LTBP2: variants seen among roughly 807,000 people sequenced by gnomAD.
The protein encoded by LTBP2 is latent transforming growth factor beta binding protein 2.
LTBP2 carries 103 observed loss-of-function variants against 210.6 expected under a neutral mutation model. The ratio of observed to expected loss-of-function variants is 0.49; its 90% CI spans 0.42 to 0.58. The LOEUF (loss-of-function observed/expected upper bound fraction) is 0.58. Among genes scored for constraint, LTBP2 ranks in the 20% least tolerant of loss-of-function variants. The pLI, the probability that LTBP2 is intolerant of heterozygous loss-of-function variation, is 0.00. For missense variants in LTBP2, 2,313 were observed against 2,494.5 expected (o/e 0.93, Z 1.55); for synonymous variants, 1,007 against 1,015.0 (o/e 0.99, Z 0.15).
At position 74,532,510 on chromosome 14, in the gene LTBP2, C is replaced by T. The variant is rs1424526900; in HGVS notation, c.1903G>A (p.Ala635Thr). 40 of 1,614,170 alleles carry T rather than the reference C, an allele frequency of 2.5e-5. No homozygotes were observed. The highest frequency in any genetic ancestry group is 4.5e-5 in the East Asian group (2 of 44,880). The change falls in exon 10 of 36, where the codon GCG becomes ACG. Residue 635 changes from alanine to threonine, a missense_variant. Coordinates refer to ENST00000261978, the MANE Select transcript of LTBP2 (RefSeq NM_000428.3). ...CTGCCCCTGGTATTCACACACTCCG[C>T]GTCCTTGCACAGGCCCAGGGTCAAG... ...ECLTLGLCKD[A>T]ECVNTRGSYL...
chr14:74,516,797 C>T (rs1419653690), intron 18 of LTBP2, 25 bp downstream of exon 18: 76 of 1,549,790 alleles, frequency 4.9e-5, no homozygotes, highest in Non-Finnish European at 6.2e-5. Context: ...GGTGGCAGGG[C>T]GCTTCCCTCC....
Position 74,521,930 on chromosome 14 carries a change from C to A in LTBP2, c.2769G>T (p.Gly923=). ...CYPGYTLATS[G]ATQECQDINE... ...GCTTACCTTGACACTCCTGTGTCGC[C>A]CCTGAGGTGGCCAGAGTGTAGCCAG... Residue 923 remains glycine (G), a synonymous_variant, in exon 17 of 36, where the codon GGG becomes GGT. Transcript: ENST00000261978. 6.2e-7 allele frequency: 1 copy of A among 1,614,190 alleles called. No individual in the cohort carries two copies. Among genetic ancestry groups the A allele is most frequent in the Non-Finnish European group, 8.5e-7 (1 of 1,180,034 alleles).
chr14:74,529,603 G>C (rs2087325025), intron 10 of LTBP2, among the ~76,000 whole-genome samples: 1 of 152,140 alleles, frequency 6.6e-6, no homozygotes, highest in South Asian at 2.1e-4. Context: ...CTCCCATAGT[G>C]CCTGGTGCAT....
intron 18 of LTBP2, among the ~76,000 whole-genome samples, chr14:74,515,281 G>A (rs2087121176): frequency 7.4e-6 from 1 of 135,234 alleles, no homozygotes; most frequent in African/African-American, 2.9e-5. Flanking sequence ...TTTTGAGACA[G>A]AGTCTCACTC....
Position 74,502,648 on chromosome 14 carries a change from C to T in LTBP2, c.5170+5G>A. Reference sequence around the variant, plus strand: ...CCTCTTCCCCAGTTTTGCAGCAACACAGACCTGGATGGCTGGCCACGTAGT... The same window carrying T: ...CCTCTTCCCCAGTTTTGCAGCAACATAGACCTGGATGGCTGGCCACGTAGT... On this transcript the variant is annotated splice_donor_5th_base_variant and intron_variant, in intron 34 of 35. Transcript: ENST00000261978. 1 of 1,614,196 alleles carries T rather than the reference C, an allele frequency of 6.2e-7. No individual in the cohort carries two copies. Among genetic ancestry groups the T allele is most frequent in the Non-Finnish European group, 8.5e-7 (1 of 1,180,038 alleles).
intron 3 of LTBP2, among the ~76,000 whole-genome samples, chr14:74,572,691 T>C (rs2088000215): frequency 6.6e-6 from 1 of 151,972 alleles, no homozygotes; most frequent in Admixed American, 6.6e-5. Context: ...TGAAAAAATC[T>C]CCATTATGAC....
rs769841401 is a variant in LTBP2 at position 74,506,775 on chromosome 14, C to G, written c.3956G>C (p.Cys1319Ser). The change falls in exon 27 of 36, where the codon TGT becomes TCT. Residue 1319 changes from cysteine (C) to serine (S), a missense_variant. Physicochemically the swap from Cys to Ser is moderately radical, Grantham distance 112. Coordinates refer to ENST00000261978, the MANE Select transcript of LTBP2 (RefSeq NM_000428.3). The stretch of plus-strand genomic sequence containing the variant: ...GCGGAAGGAGCCATCAGTGTTGTCA[C>G]AGAAGCCGTGGCTGCCACACATGGT... The part of the protein sequence containing the change: ...NDTMCGSHGF[C>S]DNTDGSFRCL... 6.2e-7 allele frequency: 1 copy of G among 1,614,100 alleles called. No homozygotes were observed.
chr14:74,526,625 C>A (rs1432764309), intron 13 of LTBP2, among the ~76,000 whole-genome samples: 1 of 152,164 alleles, frequency 6.6e-6, no homozygotes, highest in African/African-American at 2.4e-5. Flanking sequence ...AGGCTGGCTG[C>A]GTCTGTGGGG....
Position 74,505,153 on chromosome 14 carries a change from G to A in LTBP2, c.4199C>T (p.Pro1400Leu), listed in dbSNP as rs2086966310. 1 of 1,613,272 alleles carries A rather than the reference G, an allele frequency of 6.2e-7. No individual in the cohort carries two copies. Among genetic ancestry groups the A allele is most frequent in the African/African-American group, 1.3e-5 (1 of 74,944 alleles). Residue 1400 changes from proline (P) to leucine (L), a missense_variant, in exon 29 of 36, where the codon CCA becomes CTA. Around this residue, in one of 3 missense-constraint regions of LTBP2, gnomAD observed 1,867 missense variants for 1,976.9 expected, o/e 0.94. Coordinates refer to ENST00000261978, the MANE Select transcript of LTBP2 (RefSeq NM_000428.3). ...GAGGQSMSEA[P>L]TGDHAPAPTR... ...GGGGGCCGGGGCATGGTCCCCCGTT[G>A]GGGCCTCAGACATACTCTGACCTGT... is the stretch of plus-strand genomic sequence containing the variant.
intron 8 of LTBP2, among the ~76,000 whole-genome samples, chr14:74,543,222 C>CA (rs1216636649): frequency 1.3e-5 from 2 of 151,642 alleles, no homozygotes; most frequent in Non-Finnish European, 2.9e-5. Flanking sequence ...CCTAAAAATA[C>CA]AAAAAATTAG....
At position 74,510,082 on chromosome 14, in the gene LTBP2, T is replaced by A. The variant is rs2087050619; in HGVS notation, c.3151+9A>T. On this transcript the variant is annotated intron_variant, in intron 20 of 35. Transcript: ENST00000261978. ...CCTGCGGAGAAGGGGCGCTTCAGCATCTCTGTACCTTGGCAGCCCTTCTCA... is the reference window on the plus strand; with the variant it reads ...CCTGCGGAGAAGGGGCGCTTCAGCAACTCTGTACCTTGGCAGCCCTTCTCA... 1.2e-6 allele frequency: 2 copies of A among 1,613,918 alleles called. No homozygotes were observed. Among genetic ancestry groups the A allele is most frequent in the Non-Finnish European group, 1.7e-6 (2 of 1,180,010 alleles).
At chr14:74,566,752 G>C (rs977926182) in intron 3 of LTBP2, among the ~76,000 whole-genome samples, 1 of 152,086 alleles carries the variant, frequency 6.6e-6, no homozygotes, top group African/African-American at 2.4e-5. Flanking sequence ...CCTCTCCCCC[G>C]TGTCCCCAAG....
rs561983123 is a variant in LTBP2, at chr14:74,603,775, C to T, written c.495-70G>A. On this transcript the variant is annotated intron_variant, in intron 1 of 35. Transcript: ENST00000261978. ...TGGGGACTATTCACAGCCCCTCCGACAGTCCCACCTTCTAGAGGCAGGGCC... is the reference window on the plus strand; with the variant it reads ...TGGGGACTATTCACAGCCCCTCCGATAGTCCCACCTTCTAGAGGCAGGGCC... 49 of 1,299,538 alleles carry T rather than the reference C, an allele frequency of 3.8e-5. 2 individuals carry two copies. In the South Asian group the frequency reaches 5.0e-4, roughly 13 times the overall value. 80.5% of individuals were successfully genotyped at this position (1,299,538 alleles called of 1,614,324 possible). A position where few individuals can be genotyped will look rare whatever the true frequency, so the allele number is the denominator to read the frequency against.
intron 3 of LTBP2, among the ~76,000 whole-genome samples, chr14:74,571,869 T>C (rs1212055912): frequency 6.6e-6 from 1 of 152,200 alleles, no homozygotes; most frequent in Non-Finnish European, 1.5e-5. Context: ...CTGTAATCTT[T>C]GTTTTGCAAG....
At chr14:74,515,126 G>C (rs1005222065) in intron 18 of LTBP2, among the ~76,000 whole-genome samples, 3 of 152,226 alleles carry the variant, frequency 2.0e-5, no homozygotes, top group Admixed American at 2.0e-4. Context: ...TAGCTTATCC[G>C]GTGCTCACAA....
At chr14:74,577,504 CTTTTTTTT>C (rs397948520) in intron 3 of LTBP2, among the ~76,000 whole-genome samples, 3 of 135,966 alleles carry the variant, frequency 2.2e-5, no homozygotes, top group Non-Finnish European at 4.8e-5. Flanking sequence ...ACCATTATCT[CTTTTTTTT>C]TTTTTTTTTT....
rs2088481242 is a variant in LTBP2, at chr14:74,603,693, G to A, written c.507C>T (p.Cys169=). 5.6e-6 allele frequency: 9 copies of A among 1,614,098 alleles called. No homozygotes were observed. The highest frequency in any genetic ancestry group is 1.3e-5 in the African/African-American group (1 of 75,038). Residue 169 remains cysteine (C), a synonymous_variant, in exon 2 of 36, where the codon TGC becomes TGT. Coordinates refer to ENST00000261978, the MANE Select transcript of LTBP2 (RefSeq NM_000428.3). The stretch of plus-strand genomic sequence containing the variant: ...TCCATCCTGGGCAGCACTGTCCCCC[G>A]CAGACGTTCCTCCTGTGGGGTCACC... ...PRGRLTGRNV[C]GGQCCPGWTT...
intron 17 of LTBP2, among the ~76,000 whole-genome samples, chr14:74,517,988 C>T (rs1052041714): frequency 5.9e-5 from 9 of 152,234 alleles, no homozygotes; most frequent in African/African-American, 2.2e-4. Context: ...TTCAGCAGTC[C>T]AATCTCCAAG....
At chr14:74,546,149 A>G (rs2087572719) in intron 8 of LTBP2, among the ~76,000 whole-genome samples, 1 of 152,176 alleles carries the variant, frequency 6.6e-6, no homozygotes, top group Non-Finnish European at 1.5e-5. Flanking sequence ...GATTTGCTAG[A>G]ACACTTTACT....
Sources: gnomAD v4.1 joint callset for allele counts (sites outside exome capture counted in the v4.1 genomes callset) on GRCh38, gnomAD v4.1.1 for gene constraint, gnomAD v4.1.1 regional missense constraint, MANE v1.5 for transcripts, NCBI Gene and HGNC (gene_info 2026-07-23, HGNC 2026-07-21) for gene names.